CHD3: variants seen among roughly 807,000 people sequenced by gnomAD.
CHD3 encodes the protein chromodomain helicase DNA binding protein 3.
A neutral mutation model predicts 248.9 loss-of-function variants in CHD3; 52 were observed. The observed-to-expected ratio is 0.21, with a 90% CI of 0.17 to 0.26. The LOEUF (loss-of-function observed/expected upper bound fraction) is 0.26. Ranked by LOEUF, CHD3 falls within the 10% of genes least tolerant of loss-of-function variation. The pLI, the probability that CHD3 is intolerant of heterozygous loss-of-function variation, is 1.00. For missense variants in CHD3, 1,482 were observed against 2,605.8 expected, an observed-to-expected ratio of 0.57 and a Z score of 9.39; for synonymous variants, 985 against 985.2, an observed-to-expected ratio of 1.00 and a Z score of 0.00.
At position 7,908,991 on chromosome 17, in the gene CHD3, A is replaced by AG; in HGVS notation, c.5395-149dup. On this transcript the variant is annotated intron_variant, in intron 36 of 39. Transcript: ENST00000330494. This position sits in a 1 kb window ranked among gnomAD's most constrained non-coding sequence, Gnocchi z 5.8. The stretch of plus-strand genomic sequence containing the variant: ...TGTGCTTGGGAGTGTGATCTGGGTC[A>AG]GGGTTGCTGCTAGGTTCGCAGTCGG... 2.2e-6 allele frequency: 3 copies of AG among 1,375,102 alleles called. No individual in the cohort carries two copies. Among genetic ancestry groups the AG allele is most frequent in the Non-Finnish European group, 3.0e-6 (3 of 1,000,744 alleles). The allele number at this position is 1,375,102 out of a possible 1,614,324, so 85.2% of individuals were successfully genotyped here.
Position 7,911,572 on chromosome 17 carries a change from G to A in CHD3, c.5990G>A (p.Cys1997Tyr). The A allele has an allele frequency of 1.1e-5, 17 of 1,614,128 alleles. No homozygotes were observed. Among genetic ancestry groups the A allele is most frequent in the Non-Finnish European group, 1.4e-5 (16 of 1,179,980 alleles). Residue 1997 changes from cysteine to tyrosine, a missense_variant, in exon 40 of 40, where the codon TGT (cysteine) becomes TAT (tyrosine). By Grantham distance (194) the Cys-to-Tyr change is radical (BLOSUM62 -2). Coordinates refer to ENST00000330494, the MANE Select transcript of CHD3 (RefSeq NM_001005273.3). This position sits in a 1 kb window ranked among gnomAD's most constrained non-coding sequence, Gnocchi z 5.4. ...RKEPRAGEVI[C>Y]IDD ...GAGCCCCGAGCCGGGGAGGTGATCT[G>A]TATAGACGACTGACTGGATCCCAGG...
rs766825687 is a variant in CHD3 at position 7,908,781 on chromosome 17, G to A, written c.5346G>A (p.Lys1782=). Residue 1782 remains lysine, a synonymous_variant, in exon 36 of 40, where the codon AAG becomes AAA. Coordinates refer to ENST00000330494, the MANE Select transcript of CHD3 (RefSeq NM_001005273.3). The surrounding 1 kb of genome is among the most constrained non-coding windows in gnomAD (Gnocchi z 5.8). ...AGCCATTTAAAACTGAAGCCAATAA[G>A]GGGAACTTTCTGGAGATGAAAAATA... ...INEPFKTEAN[K]GNFLEMKNKF... 14 of 1,614,034 alleles carry A rather than the reference G, an allele frequency of 8.7e-6. No homozygotes were observed. The highest frequency in any genetic ancestry group is 9.3e-6 in the Non-Finnish European group (11 of 1,180,038).
intron 20 of CHD3, 65 bp downstream of exon 20, chr17:7,901,440 T>C (rs765364535): frequency 2.2e-5 from 31 of 1,432,164 alleles, no homozygotes; most frequent in Non-Finnish European, 2.9e-5. Flanking sequence ...CTCCAGACTT[T>C]AATTTCTTAC....
At chr17:7,884,860 G>A, upstream of CHD3, 1 of 1,219,526 alleles carries the variant, frequency 8.2e-7, no homozygotes, top group Non-Finnish European at 1.1e-6. Context: ...TGGTGGTGTC[G>A]GAGGAGGAAG....
Position 7,903,252 on chromosome 17 carries a change from A to G in CHD3, c.3496-20A>G. The G allele has an allele frequency of 6.2e-7, 1 of 1,611,222 alleles. No individual in the cohort carries two copies. The highest frequency in any genetic ancestry group is 2.2e-5 in the East Asian group (1 of 44,814). On this transcript the variant is annotated intron_variant, in intron 22 of 39. Coordinates refer to ENST00000330494, the MANE Select transcript of CHD3 (RefSeq NM_001005273.3). This position sits in a 1 kb window ranked among gnomAD's most constrained non-coding sequence, Gnocchi z 6.8. Reference sequence around the variant, plus strand: ...CGGCCACTCCCCTGACCCACCCGCCACTTTCTCTTGCCCCTGCAGGCCTTT... The same window carrying G: ...CGGCCACTCCCCTGACCCACCCGCCGCTTTCTCTTGCCCCTGCAGGCCTTT...
At position 7,904,810 on chromosome 17, in the gene CHD3, T is replaced by C. The variant is rs1970722242; in HGVS notation, c.4072+191T>C. Among the ~76,000 whole-genome samples, 1 of 152,120 alleles carries C rather than the reference T, an allele frequency of 6.6e-6. No homozygotes were observed. The highest frequency in any genetic ancestry group is 1.5e-5 in the Non-Finnish European group (1 of 68,020). Reference sequence around the variant, plus strand: ...AGGTGGGTTTGCAGGAGATTTAAACTCTTCGGTGGTTGCACAGGCATCCTG... The same window carrying C: ...AGGTGGGTTTGCAGGAGATTTAAACCCTTCGGTGGTTGCACAGGCATCCTG... On this transcript the variant is annotated intron_variant, in intron 25 of 39. Coordinates refer to ENST00000330494, the MANE Select transcript of CHD3 (RefSeq NM_001005273.3). This position sits in a 1 kb window ranked among gnomAD's most constrained non-coding sequence, Gnocchi z 4.4.
chr17:7,885,671 G>T (rs1325975135), upstream of CHD3, among the ~76,000 whole-genome samples: 1 of 152,100 alleles, frequency 6.6e-6, no homozygotes, highest in Admixed American at 6.5e-5. Flanking sequence ...TGCCCCCTCC[G>T]CTCAGGACTT....
chr17:7,890,035 C>T (rs747051285), intron 2 of CHD3, among the ~76,000 whole-genome samples: 1 of 151,382 alleles, frequency 6.6e-6, no homozygotes, highest in South Asian at 2.1e-4. Flanking sequence ...GTTGAAAGCA[C>T]AAGCTCTGGA....
rs1597966679 is a variant in CHD3, at chr17:7,899,963, C to T, written c.2612C>T (p.Ala871Val). 1 of 1,614,084 alleles carries T rather than the reference C, an allele frequency of 6.2e-7. No individual in the cohort carries two copies. Among genetic ancestry groups the T allele is most frequent in the Non-Finnish European group, 8.5e-7 (1 of 1,180,006 alleles). ...GAGCTGATCACCATTGATCAGGCAG[C>T]ACTTGGTTCCATCCGCTGGGCCTGT... The part of the protein sequence containing the change: ...SYELITIDQA[A>V]LGSIRWACLV... The change falls in exon 16 of 40, where the codon GCA becomes GTA. Residue 871 changes from alanine to valine, a missense_variant. Around this residue, in one of 20 missense-constraint regions of CHD3, gnomAD observed 49 missense variants for 93.8 expected, o/e 0.52. Transcript: ENST00000330494. The surrounding 1 kb of genome is among the most constrained non-coding windows in gnomAD (Gnocchi z 6.8).
chr17:7,894,693 C>T (rs1004904332), intron 8 of CHD3, 85 bp downstream of exon 8: 2 of 1,444,700 alleles, frequency 1.4e-6, no homozygotes, highest in African/African-American at 1.4e-5. Flanking sequence ...TCTTCCTGCC[C>T]CCAGATGGCT....
chr17:7,911,313 A>G lies in CHD3; in HGVS notation c.5882-151A>G. The G allele has an allele frequency of 8.3e-7, 1 of 1,198,608 alleles. No homozygotes were observed. The highest frequency in any genetic ancestry group is 1.3e-5 in the South Asian group (1 of 79,606). 74.2% of individuals were successfully genotyped at this position (1,198,608 alleles called of 1,614,324 possible). The stretch of plus-strand genomic sequence containing the variant: ...ATCATGTAGCACAAAGTGGAATCTC[A>G]GGGAAAGGGGTTTGCCCGGGTCTTC... On this transcript the variant is annotated intron_variant, in intron 39 of 39. Transcript: ENST00000330494. The surrounding 1 kb of genome is among the most constrained non-coding windows in gnomAD (Gnocchi z 5.4).
chr17:7,898,377 A>T, intron 12 of CHD3, 119 bp from the exon 13 acceptor site: 4 of 843,108 alleles, frequency 4.7e-6, no homozygotes, highest in Non-Finnish European at 7.5e-6. Flanking sequence ...AGCCTGGGAA[A>T]AAGGAAATAT....
rs764622402 is a variant in CHD3, at chr17:7,889,123, A to T, written c.100+23A>T. 6 of 1,613,874 alleles carry T rather than the reference A, an allele frequency of 3.7e-6. No homozygotes were observed. In the South Asian group the frequency reaches 6.6e-5, roughly 18 times the overall value. On this transcript the variant is annotated intron_variant, in intron 1 of 39. Coordinates refer to ENST00000330494, the MANE Select transcript of CHD3 (RefSeq NM_001005273.3). This position sits in a 1 kb window ranked among gnomAD's most constrained non-coding sequence, Gnocchi z 4.5. ...CTGGTAATTATCCGAGGAAATGTAA[A>T]TAGAGGCCTCCCTCTTGGCAAAAGG...
At position 7,896,088 on chromosome 17, in the gene CHD3, C is replaced by T. The variant is rs186988843; in HGVS notation, c.1707+546C>T. On this transcript the variant is annotated intron_variant, in intron 10 of 39. Coordinates refer to ENST00000330494, the MANE Select transcript of CHD3 (RefSeq NM_001005273.3). ...TAAAAATACAAAAAAATTAGCTGGG[C>T]GTGGTGGCAGGCACCTGTAGTCCCA... 1.9e-3 allele frequency among the ~76,000 whole-genome samples: 286 copies of T among 151,842 alleles called. 1 individual carries two copies. The highest frequency in any genetic ancestry group is 8.1e-3 in the South Asian group (39 of 4,812).
At position 7,890,598 on chromosome 17, in the gene CHD3, C is replaced by G. The variant is rs1357608946; in HGVS notation, c.241C>G (p.Arg81Gly). 53 of 1,593,390 alleles carry G rather than the reference C, an allele frequency of 3.3e-5. No individual in the cohort carries two copies. Among genetic ancestry groups the G allele is most frequent in the African/African-American group, 6.9e-5 (5 of 72,620 alleles). The change falls in exon 3 of 40, where the codon CGA becomes GGA. Residue 81 changes from arginine (R) to glycine (G), a missense_variant. This residue lies in a region of CHD3 where 169 missense variants were observed against 168.1 expected (regional missense o/e 1.01). Coordinates refer to ENST00000330494, the MANE Select transcript of CHD3 (RefSeq NM_001005273.3). ...CAGTGAGGAGGAATTTGGTTCTGAG[C>G]GAGATGAGTACCGGGAGAAGTCAGA... ...RDSEEEFGSE[R>G]DEYREKSESG...
chr17:7,905,806 C>A lies in CHD3; in HGVS notation c.4225-50C>A. 6.2e-7 allele frequency: 1 copy of A among 1,614,072 alleles called. No homozygotes were observed. Among genetic ancestry groups the A allele is most frequent in the Non-Finnish European group, 8.5e-7 (1 of 1,179,994 alleles). Reference sequence around the variant, plus strand: ...TCACTGAAGGTAGAAAGGACAAGACCTAAGAACCCTAGACATTTGTCGCCA... The same window carrying A: ...TCACTGAAGGTAGAAAGGACAAGACATAAGAACCCTAGACATTTGTCGCCA... On this transcript the variant is annotated intron_variant, in intron 27 of 39. Transcript: ENST00000330494. This position sits in a 1 kb window ranked among gnomAD's most constrained non-coding sequence, Gnocchi z 5.8.
At chr17:7,891,861 T>C (rs930137272) in intron 4 of CHD3, among the ~76,000 whole-genome samples, 2 of 149,778 alleles carry the variant, frequency 1.3e-5, no homozygotes, top group African/African-American at 4.9e-5. Context: ...AAACTCCGTC[T>C]CAAAAAAAAA....
chr17:7,904,084 C>G lies in CHD3; in HGVS notation c.3894+93C>G. On this transcript the variant is annotated intron_variant, in intron 24 of 39. Transcript: ENST00000330494. This position sits in a 1 kb window ranked among gnomAD's most constrained non-coding sequence, Gnocchi z 4.4. ...AGCCTTGAAGTAGGAGGGTCTGTCCCCCTTAAAACAGTAGTGGACCTCAAA... is the reference window on the plus strand; with the variant it reads ...AGCCTTGAAGTAGGAGGGTCTGTCCGCCTTAAAACAGTAGTGGACCTCAAA... 8 of 1,370,014 alleles carry G rather than the reference C, an allele frequency of 5.8e-6. No individual in the cohort carries two copies. Among genetic ancestry groups the G allele is most frequent in the Non-Finnish European group, 7.0e-6 (7 of 993,302 alleles). The allele number at this position is 1,370,014 out of a possible 1,614,324, so 84.9% of individuals were successfully genotyped here. A position where few individuals can be genotyped will look rare whatever the true frequency, so the allele number is the denominator to read the frequency against.
At position 7,904,293 on chromosome 17, in the gene CHD3, G is replaced by C; in HGVS notation, c.3895-149G>C. The C allele has an allele frequency of 2.8e-6, 2 of 702,598 alleles. No homozygotes were observed. The highest frequency in any genetic ancestry group is 2.4e-6 in the Non-Finnish European group (1 of 413,656). The allele number at this position is 702,598 out of a possible 1,614,324, so 43.5% of individuals were successfully genotyped here. On this transcript the variant is annotated intron_variant, in intron 24 of 39. Transcript: ENST00000330494. This position sits in a 1 kb window ranked among gnomAD's most constrained non-coding sequence, Gnocchi z 4.4. Reference sequence around the variant, plus strand: ...AGGTAAGAGATGGCATGGAACATGCGCAATGTCCAGAAAATGTATGCAGAG... The same window carrying C: ...AGGTAAGAGATGGCATGGAACATGCCCAATGTCCAGAAAATGTATGCAGAG...
Sources: allele counts gnomAD v4.1 joint callset (sites outside exome capture counted in the v4.1 genomes callset), GRCh38; gene constraint gnomAD v4.1.1; regional missense constraint gnomAD v4.1.1; non-coding constraint Gnocchi (gnomAD v3.1); transcripts MANE v1.5; gene names NCBI Gene and HGNC (gene_info 2026-07-23, HGNC 2026-07-21).